Variants in UBE2H observed in about 807,000 individuals in gnomAD.
UBE2H encodes ubiquitin conjugating enzyme E2 H, also known as ubiquitin-conjugating enzyme E2 H.
Under a neutral mutation model 29.0 loss-of-function variants are expected in UBE2H, and 3 were observed. That is an observed-to-expected ratio of 0.10 (90% CI 0.05 to 0.27). The LOEUF is 0.27. Among genes scored for constraint, UBE2H ranks in the 10% least tolerant of loss-of-function variants. The pLI, the probability that UBE2H is intolerant of heterozygous loss-of-function variation, is 1.00. For synonymous variants in UBE2H, 69 were observed against 82.9 expected (o/e 0.83, Z 0.91); for missense variants, 68 against 228.2 (o/e 0.30, Z 4.52).
chr7:129,848,604 A>C (rs1047921675), intron 5 of UBE2H, among the ~76,000 whole-genome samples: 3 of 152,222 alleles, frequency 2.0e-5, no homozygotes, highest in African/African-American at 4.8e-5. Flanking sequence ...AACTCCTGGG[A>C]ATTTCACCCA....
intron 1 of UBE2H, among the ~76,000 whole-genome samples, chr7:129,950,799 CAT>C (rs1259757742): frequency 3.9e-5 from 6 of 152,194 alleles, no homozygotes; most frequent in African/African-American, 1.2e-4. Context: ...TACACACAGT[CAT>C]AGTTACAAGT....
chr7:129,868,446 G>A (rs62491500), intron 3 of UBE2H, among the ~76,000 whole-genome samples: 9,906 of 150,250 alleles, frequency 0.066, 545 homozygotes, highest in East Asian at 0.26. Context: ...CAGGCGCGGT[G>A]GCGGGCGCCT....
At chr7:129,846,924 T>G (rs893414106) in intron 5 of UBE2H, among the ~76,000 whole-genome samples, 1 of 152,240 alleles carries the variant, frequency 6.6e-6, no homozygotes, top group Admixed American at 6.5e-5. Context: ...ATCAGCATCC[T>G]GCACAGCGGC....
In UBE2H at chr7:129,867,723, C is replaced by CA. The variant is rs1563027569; in HGVS notation, c.206-8783_206-8782insT. Among the ~76,000 whole-genome samples, 145 of 65,524 alleles carry CA rather than the reference C, an allele frequency of 2.2e-3. 1 individual carries two copies. Among genetic ancestry groups the CA allele is most frequent in the Admixed American group, 3.0e-3 (16 of 5,398 alleles). 43.0% of individuals were successfully genotyped at this position (65,524 alleles called of 152,430 possible). A position where few individuals can be genotyped will look rare whatever the true frequency, so the allele number is the denominator to read the frequency against. On this transcript the variant is annotated intron_variant, in intron 3 of 6. Coordinates refer to ENST00000355621, the MANE Select transcript of UBE2H (RefSeq NM_003344.4). The stretch of plus-strand genomic sequence containing the variant: ...ATAAAAAAAAAAAAAAAAAAGAAAA[C>CA]CAAAAAAAAAAAAAAAAAAGAAGAC...
At chr7:129,934,569 T>A (rs766902430) in intron 1 of UBE2H, among the ~76,000 whole-genome samples, 2 of 137,908 alleles carry the variant, frequency 1.5e-5, no homozygotes, top group South Asian at 2.2e-4. Flanking sequence ...ACCTGGGAGG[T>A]AGAGGTTGCA....
At position 129,832,737 on chromosome 7, in the gene UBE2H, C is replaced by G. The variant is rs1805252400; in HGVS notation, c.*2200G>C. On this transcript the variant is annotated 3_prime_UTR_variant, in exon 7 of 7. Transcript: ENST00000355621. ...TTTTTTGACAAGATCAAAAGCAATT[C>G]TTAACTGGTCATTATTTTTTTTTAA... is the stretch of plus-strand genomic sequence containing the variant. 1 of 151,668 alleles carries G rather than the reference C, an allele frequency of 6.6e-6. No individual in the cohort carries two copies. The highest frequency in any genetic ancestry group is 1.5e-5 in the Non-Finnish European group (1 of 67,794). 9.4% of individuals were successfully genotyped at this position (151,668 alleles called of 1,614,324 possible). A position where few individuals can be genotyped will look rare whatever the true frequency, so the allele number is the denominator to read the frequency against.
chr7:129,935,019 G>GTGTA (rs1554441058), intron 1 of UBE2H, among the ~76,000 whole-genome samples: 6 of 149,256 alleles, frequency 4.0e-5, no homozygotes, highest in African/African-American at 1.5e-4. Flanking sequence ...GTGTGTGTGT[G>GTGTA]TATATATATA....
At chr7:129,860,672 G>A (rs1295559632) in intron 3 of UBE2H, among the ~76,000 whole-genome samples, 1 of 151,784 alleles carries the variant, frequency 6.6e-6, no homozygotes, top group African/African-American at 2.4e-5. Flanking sequence ...TAATGAAGTA[G>A]ATCCATGTGT....
intron 3 of UBE2H, among the ~76,000 whole-genome samples, chr7:129,870,090 A>G (rs1329392563): frequency 6.6e-6 from 1 of 152,106 alleles, no homozygotes; most frequent in East Asian, 1.9e-4. Flanking sequence ...TTCCATAAAA[A>G]TTTCTAAACT....
chr7:129,868,638 A>G (rs903213299), intron 3 of UBE2H, among the ~76,000 whole-genome samples: 1 of 150,736 alleles, frequency 6.6e-6, no homozygotes, highest in Admixed American at 6.6e-5. Context: ...GTCCTCTGAT[A>G]GTAACAAGCA....
At chr7:129,944,758 A>G (rs1440994040) in intron 1 of UBE2H, among the ~76,000 whole-genome samples, 1 of 150,478 alleles carries the variant, frequency 6.6e-6, no homozygotes, top group South Asian at 2.1e-4. Flanking sequence ...ACACGCACGC[A>G]CGCACGCGCA....
Position 129,842,691 on chromosome 7 carries a change from T to G in UBE2H, c.299-3356A>C, listed in dbSNP as rs142675569. Among the ~76,000 whole-genome samples, 476 of 151,742 alleles carry G rather than the reference T, an allele frequency of 3.1e-3. 2 individuals carry two copies. Among genetic ancestry groups the G allele is most frequent in the African/African-American group, 0.011 (445 of 41,370 alleles). On this transcript the variant is annotated intron_variant, in intron 5 of 6. Transcript: ENST00000355621. The stretch of plus-strand genomic sequence containing the variant: ...GCTGAGATGGGCAGATCACCTGAGG[T>G]CAGGAGTTTGAGACCAGCTTGGCCA...
At chr7:129,890,715 G>GA in intron 1 of UBE2H, among the ~76,000 whole-genome samples, 1 of 152,258 alleles carries the variant, frequency 6.6e-6, no homozygotes, top group South Asian at 2.1e-4. Flanking sequence ...AGGACAGCAG[G>GA]AATCAGTTTT....
chr7:129,890,388 T>TA (rs537914620), intron 1 of UBE2H, among the ~76,000 whole-genome samples: 108 of 151,496 alleles, frequency 7.1e-4, no homozygotes, highest in Admixed American at 4.0e-3. Flanking sequence ...TATATATATA[T>TA]TTTTTTTAAA....
chr7:129,950,118 A>C (rs558685202), intron 1 of UBE2H, among the ~76,000 whole-genome samples: 117 of 152,318 alleles, frequency 7.7e-4, no homozygotes, highest in African/African-American at 2.6e-3. Flanking sequence ...AGAAAGGAGG[A>C]CACAAAATCT....
intron 1 of UBE2H, among the ~76,000 whole-genome samples, chr7:129,917,277 G>C (rs1794479032): frequency 6.6e-6 from 1 of 152,200 alleles, no homozygotes; most frequent in Non-Finnish European, 1.5e-5. Context: ...TTTTATTTTA[G>C]AACAGTCACC....
At chr7:129,840,557 G>A (rs760227874) in intron 5 of UBE2H, among the ~76,000 whole-genome samples, 8 of 152,018 alleles carry the variant, frequency 5.3e-5, no homozygotes, top group Non-Finnish European at 7.4e-5. Context: ...GTTACCCAGC[G>A]TTTTAGAAAA....
intron 1 of UBE2H, among the ~76,000 whole-genome samples, chr7:129,919,406 G>A (rs1584786183): frequency 6.6e-6 from 1 of 152,088 alleles, no homozygotes; most frequent in African/African-American, 2.4e-5. Flanking sequence ...GGTGCCGGCA[G>A]CATACAACTC....
At chr7:129,902,858 CA>C (rs1806744281) in intron 1 of UBE2H, among the ~76,000 whole-genome samples, 1 of 152,172 alleles carries the variant, frequency 6.6e-6, no homozygotes, top group Non-Finnish European at 1.5e-5. Flanking sequence ...AAATATTTAC[CA>C]AGCCTCTATC....
Sources: gnomAD v4.1 joint callset for allele counts (sites outside exome capture counted in the v4.1 genomes callset) on GRCh38, gnomAD v4.1.1 for gene constraint, MANE v1.5 for transcripts, NCBI Gene and HGNC (gene_info 2026-07-23, HGNC 2026-07-21) for gene names.